PLCXD3: variants seen among roughly 807,000 people sequenced by gnomAD.
PLCXD3 encodes PI-PLC X domain-containing protein 3.
A neutral mutation model predicts 25.5 loss-of-function variants in PLCXD3; 19 were observed. That is an observed-to-expected ratio of 0.75 (90% CI 0.52 to 1.09). The LOEUF is 1.09. Ranked by LOEUF, PLCXD3 falls within the 50% of genes least tolerant of loss-of-function variation. The pLI is 0.00. For synonymous variants in PLCXD3, 174 were observed against 137.6 expected (o/e 1.26, Z -1.85); for missense variants, 411 against 388.1 (o/e 1.06, Z -0.50).
At chr5:41,509,274 G>C (rs999990696) in intron 1 of PLCXD3, among the ~76,000 whole-genome samples, 2 of 152,256 alleles carry the variant, frequency 1.3e-5, no homozygotes, top group South Asian at 4.2e-4. Flanking sequence ...GCCCAGCTCA[G>C]CTCAGGGCCA....
chr5:41,391,284 CT>C (rs1745807320), intron 1 of PLCXD3, among the ~76,000 whole-genome samples: 1 of 152,114 alleles, frequency 6.6e-6, no homozygotes, highest in Non-Finnish European at 1.5e-5. Flanking sequence ...GGCTGCACAG[CT>C]TGAGGCTCCA....
In PLCXD3 at chr5:41,471,126, G is replaced by T. The variant is rs13354386; in HGVS notation, c.103+39298C>A. On this transcript the variant is annotated intron_variant, in intron 1 of 2. Transcript: ENST00000377801. ...AGGGGTAGAACAAGATGGAATAATAGAAGGCTCCACTGATAGTACCCTCTG... is the reference window on the plus strand; with the variant it reads ...AGGGGTAGAACAAGATGGAATAATATAAGGCTCCACTGATAGTACCCTCTG... 2.3e-3 allele frequency among the ~76,000 whole-genome samples: 349 copies of T among 152,220 alleles called. 2 individuals are homozygous for T. Among genetic ancestry groups the T allele is most frequent in the African/African-American group, 8.1e-3 (335 of 41,532 alleles).
At chr5:41,385,621 C>G (rs1745610351) in intron 1 of PLCXD3, among the ~76,000 whole-genome samples, 1 of 152,190 alleles carries the variant, frequency 6.6e-6, no homozygotes, top group African/African-American at 2.4e-5. Flanking sequence ...TGCCCTCCTG[C>G]ATTCATACCC....
chr5:41,366,860 C>G (rs1744951847), intron 2 of PLCXD3, among the ~76,000 whole-genome samples: 1 of 152,124 alleles, frequency 6.6e-6, no homozygotes, highest in Non-Finnish European at 1.5e-5. Context: ...CTCATTTTTC[C>G]TCTCCCACTT....
At chr5:41,365,944 T>C (rs370106097) in intron 2 of PLCXD3, among the ~76,000 whole-genome samples, 1 of 93,204 alleles carries the variant, frequency 1.1e-5, no homozygotes, top group Non-Finnish European at 2.4e-5. Flanking sequence ...TATTTATTTA[T>C]TTATTTATTT....
chr5:41,419,353 C>T (rs1165653764), intron 1 of PLCXD3, among the ~76,000 whole-genome samples: 1 of 152,120 alleles, frequency 6.6e-6, no homozygotes, highest in African/African-American at 2.4e-5. Flanking sequence ...GACGTTCTTT[C>T]TTTGGAATAA....
chr5:41,326,139 C>T (rs756247834), intron 2 of PLCXD3, among the ~76,000 whole-genome samples: 9 of 152,136 alleles, frequency 5.9e-5, no homozygotes, highest in Admixed American at 5.9e-4. Flanking sequence ...ACTGGTTAAA[C>T]TTTATTTAAG....
At chr5:41,349,408 G>T (rs369131309) in intron 2 of PLCXD3, among the ~76,000 whole-genome samples, 1 of 152,138 alleles carries the variant, frequency 6.6e-6, no homozygotes, top group African/African-American at 2.4e-5. Flanking sequence ...TTTCAAATTT[G>T]GAGATGGTTA....
At chr5:41,347,859 A>C (rs987876009) in intron 2 of PLCXD3, among the ~76,000 whole-genome samples, 2 of 152,120 alleles carry the variant, frequency 1.3e-5, no homozygotes, top group African/African-American at 2.4e-5. Flanking sequence ...CTGGGCAATA[A>C]AAAATAAAAT....
At chr5:41,389,008 CAT>C (rs1323881577) in intron 1 of PLCXD3, among the ~76,000 whole-genome samples, 1 of 151,546 alleles carries the variant, frequency 6.6e-6, no homozygotes, top group African/African-American at 2.4e-5. Flanking sequence ...CAAGCACACT[CAT>C]AAAATTTATG....
intron 1 of PLCXD3, among the ~76,000 whole-genome samples, chr5:41,456,907 T>C (rs535334725): frequency 6.6e-6 from 1 of 151,936 alleles, no homozygotes. Flanking sequence ...CAGTTTATTG[T>C]AGTTTGTTAC....
chr5:41,330,505 T>C (rs1743763907), intron 2 of PLCXD3, among the ~76,000 whole-genome samples: 1 of 152,154 alleles, frequency 6.6e-6, no homozygotes. Context: ...ACAGCCGAAT[T>C]CTACCAGAGG....
At chr5:41,381,600 C>T (rs1411234300) in intron 2 of PLCXD3, among the ~76,000 whole-genome samples, 1 of 152,132 alleles carries the variant, frequency 6.6e-6, no homozygotes, top group East Asian at 1.9e-4. Context: ...TTTTTAGAGT[C>T]CTCAGAAGGA....
At chr5:41,475,319 C>A (rs969717324) in intron 1 of PLCXD3, among the ~76,000 whole-genome samples, 4 of 152,076 alleles carry the variant, frequency 2.6e-5, no homozygotes, top group African/African-American at 9.7e-5. Flanking sequence ...TTTTTCTGTT[C>A]CAGCAAACCT....
chr5:41,447,502 G>A (rs1177414687), intron 1 of PLCXD3, among the ~76,000 whole-genome samples: 3 of 152,178 alleles, frequency 2.0e-5, no homozygotes, highest in Non-Finnish European at 4.4e-5. Flanking sequence ...AGAGAGATTT[G>A]TTCAGAGAGA....
chr5:41,382,581 C>T (rs376301870), intron 1 of PLCXD3, 47 bp from the exon 2 acceptor site: 3 of 1,411,778 alleles, frequency 2.1e-6, no homozygotes, highest in Non-Finnish European at 2.9e-6. Context: ...ACGTCTTTGC[C>T]CTTCCCACCT....
At chr5:41,419,875 C>A (rs1306964426) in intron 1 of PLCXD3, among the ~76,000 whole-genome samples, 1 of 152,036 alleles carries the variant, frequency 6.6e-6, no homozygotes, top group African/African-American at 2.4e-5. Context: ...GCTTAAGTGC[C>A]AAATAATTAA....
chr5:41,337,484 A>C (rs1744019042), intron 2 of PLCXD3, among the ~76,000 whole-genome samples: 1 of 152,142 alleles, frequency 6.6e-6, no homozygotes, highest in Non-Finnish European at 1.5e-5. Context: ...ATCCTTTCCA[A>C]GATAAGAGTG....
chr5:41,483,921 T>C (rs1748464026), intron 1 of PLCXD3, among the ~76,000 whole-genome samples: 1 of 152,136 alleles, frequency 6.6e-6, no homozygotes, highest in African/African-American at 2.4e-5. Context: ...AATGGCCTAA[T>C]TTTACTGATC....
Sources: gnomAD v4.1 joint callset for allele counts (sites outside exome capture counted in the v4.1 genomes callset) on GRCh38, gnomAD v4.1.1 for gene constraint, MANE v1.5 for transcripts, NCBI Gene and HGNC (gene_info 2026-07-23, HGNC 2026-07-21) for gene names.